IL23R: variants seen among roughly 807,000 people sequenced by gnomAD.
IL23R encodes interleukin 23 receptor.
IL23R carries 34 observed loss-of-function variants against 56.9 expected under a neutral mutation model. That is an observed-to-expected ratio of 0.60 (90% confidence interval 0.45 to 0.80). The LOEUF (loss-of-function observed/expected upper bound fraction) is 0.80, where lower values mean the gene tolerates loss of function less well. IL23R is among the 30% of genes least tolerant of loss of function. IL23R has a pLI of 0.00. For missense variants in IL23R, 635 were observed against 730.0 expected (o/e 0.87, Z 1.50); for synonymous variants, 230 against 249.2 (o/e 0.92, Z 0.73).
At chr1:67,198,381 CA>C (rs1355780078) in intron 4 of IL23R, among the ~76,000 whole-genome samples, 2 of 152,228 alleles carry the variant, frequency 1.3e-5, no homozygotes, top group Non-Finnish European at 2.9e-5. Flanking sequence ...GAGGCTCAAA[CA>C]TTCTGTCCAA....
chr1:67,181,298 A>G (rs895850849), intron 3 of IL23R, among the ~76,000 whole-genome samples: 8 of 152,172 alleles, frequency 5.3e-5, no homozygotes, highest in Admixed American at 2.0e-4. Context: ...GTCTTTTCAC[A>G]TAGTCCCGTA....
rs1650791062 is a variant in IL23R, at chr1:67,228,018, CTTCCTTTCTTTCTTT to C, written c.955+8290_955+8304del. Among the ~76,000 whole-genome samples the C allele has an allele frequency of 1.1e-4, 8 of 69,838 alleles. 3 individuals carry two copies. The highest frequency in any genetic ancestry group is 2.5e-4 in the Non-Finnish European group (8 of 31,984). The allele number at this position is 69,838 out of a possible 152,430, so 45.8% of individuals were successfully genotyped here. A position where few individuals can be genotyped will look rare whatever the true frequency, so the allele number is the denominator to read the frequency against. On this transcript the variant is annotated intron_variant, in intron 7 of 10. Coordinates refer to ENST00000347310, the MANE Select transcript of IL23R (RefSeq NM_144701.3). ...TCTTTCTTTCTTTCTTTCTTTCTTT[CTTCCTTTCTTTCTTT>C]TCTTTCTTTCTCTTTCTTTCTTTCT...
chr1:67,180,428 A>G (rs10013847), intron 3 of IL23R, among the ~76,000 whole-genome samples: 13 of 152,016 alleles, frequency 8.6e-5, no homozygotes, highest in African/African-American at 3.1e-4. Flanking sequence ...TTTATCAGAG[A>G]CTAGGATTGC....
intron 7 of IL23R, among the ~76,000 whole-genome samples, chr1:67,223,479 C>A (rs1340002604): frequency 1.3e-5 from 2 of 152,108 alleles, no homozygotes; most frequent in African/African-American, 4.8e-5. Context: ...TACAAATTCC[C>A]TTCTAAGACA....
intron 1 of IL23R, among the ~76,000 whole-genome samples, chr1:67,144,458 C>T (rs1378385951): frequency 1.3e-5 from 2 of 152,132 alleles, no homozygotes; most frequent in African/African-American, 4.8e-5. Flanking sequence ...TATAATCATT[C>T]TTCTGTATTC....
chr1:67,152,852 G>A (rs1432270669), intron 1 of IL23R, among the ~76,000 whole-genome samples: 2 of 152,178 alleles, frequency 1.3e-5, no homozygotes, highest in African/African-American at 4.8e-5. Flanking sequence ...CGGTTTGCCA[G>A]TATTTAATTG....
chr1:67,219,869 T>G (rs372898490), intron 7 of IL23R, 139 bp downstream of exon 7: 27 of 785,844 alleles, frequency 3.4e-5, no homozygotes, highest in East Asian at 2.7e-4. Flanking sequence ...AGTTTGAGAC[T>G]GGCCTGGGCA....
chr1:67,249,409 A>G (rs1019071649), intron 9 of IL23R, among the ~76,000 whole-genome samples: 1 of 152,188 alleles, frequency 6.6e-6, no homozygotes, highest in Non-Finnish European at 1.5e-5. Context: ...CAGAAATTGC[A>G]TTAGCATTAA....
At chr1:67,185,840 T>C (rs779223220) in intron 4 of IL23R, among the ~76,000 whole-genome samples, 3 of 152,238 alleles carry the variant, frequency 2.0e-5, no homozygotes, top group African/African-American at 7.2e-5. Context: ...ATATCAGGGA[T>C]GGGTGGAATT....
intron 7 of IL23R, among the ~76,000 whole-genome samples, chr1:67,225,271 G>A (rs1335491678): frequency 6.6e-6 from 1 of 152,216 alleles, no homozygotes; most frequent in Non-Finnish European, 1.5e-5. Context: ...AATACAAGAT[G>A]TGGAAGCAGA....
In IL23R at chr1:67,192,105, T is replaced by G. The variant is rs542820171; in HGVS notation, c.492-8632T>G. Among the ~76,000 whole-genome samples the G allele has an allele frequency of 4.6e-5, 7 of 152,324 alleles. No individual in the cohort carries two copies. The East Asian group carries it at 1.3e-3, about 29-fold the overall frequency. On this transcript the variant is annotated intron_variant, in intron 4 of 10. Transcript: ENST00000347310. ...TGAGGGAAAGGATAAAGGGAAGCTT[T>G]TATTACCAAAAAGGAATATATGTGA... is the stretch of plus-strand genomic sequence containing the variant.
chr1:67,216,213 A>C (rs1290092538), intron 6 of IL23R, among the ~76,000 whole-genome samples: 2 of 152,114 alleles, frequency 1.3e-5, no homozygotes, highest in African/African-American at 4.8e-5. Context: ...TTACACTTCT[A>C]TTTCTCTACT....
At chr1:67,141,888 G>A (rs1363282109) in intron 1 of IL23R, among the ~76,000 whole-genome samples, 1 of 152,134 alleles carries the variant, frequency 6.6e-6, no homozygotes, top group Non-Finnish European at 1.5e-5. Flanking sequence ...CATTTCGTGG[G>A]GCAGGGGGAG....
rs921734212 is a variant in IL23R, at chr1:67,258,664, T to C, written c.1426T>C (p.Tyr476His). ...NSLFDNTTVVYIPDLNTGYKP... is the reference protein window; with the variant it reads ...NSLFDNTTVVHIPDLNTGYKP... ...GCTATTCGACAATACTACAGTTGTATATATTCCTGATCTCAACACTGGATA... is the reference window on the plus strand; with the variant it reads ...GCTATTCGACAATACTACAGTTGTACATATTCCTGATCTCAACACTGGATA... The change falls in exon 11 of 11, where the codon TAT becomes CAT. Residue 476 changes from tyrosine to histidine, a missense_variant. Tyr to His is a moderately conservative substitution (Grantham distance 83, BLOSUM62 2). Transcript: ENST00000347310. 1 of 1,614,008 alleles carries C rather than the reference T, an allele frequency of 6.2e-7. No homozygotes were observed. Among genetic ancestry groups the C allele is most frequent in the East Asian group, 2.2e-5 (1 of 44,872 alleles).
intron 7 of IL23R, among the ~76,000 whole-genome samples, chr1:67,232,826 G>A (rs1298956004): frequency 2.6e-5 from 4 of 152,148 alleles, no homozygotes; most frequent in African/African-American, 9.6e-5. Flanking sequence ...CATGAGTCGC[G>A]GGAGGTAATT....
intron 1 of IL23R, among the ~76,000 whole-genome samples, chr1:67,152,303 G>T (rs1008811570): frequency 6.6e-6 from 1 of 151,810 alleles, no homozygotes; most frequent in Non-Finnish European, 1.5e-5. Context: ...GATTTTGATT[G>T]ATTTTGTATC....
chr1:67,181,324 G>A (rs146093767), intron 3 of IL23R, among the ~76,000 whole-genome samples: 1 of 152,100 alleles, frequency 6.6e-6, no homozygotes. Flanking sequence ...TGGAGGCTTT[G>A]TTCATTTCTT....
upstream of IL23R, among the ~76,000 whole-genome samples, chr1:67,162,516 G>GA (rs1382965083): frequency 1.3e-5 from 2 of 152,138 alleles, no homozygotes; most frequent in Non-Finnish European, 2.9e-5. Context: ...ATAGCCATAA[G>GA]TCTCCCATAT....
At chr1:67,204,127 G>A (rs1026994266) in intron 5 of IL23R, among the ~76,000 whole-genome samples, 4 of 152,052 alleles carry the variant, frequency 2.6e-5, no homozygotes, top group East Asian at 1.9e-4. Flanking sequence ...GCAGTGGCGC[G>A]ATCTCGGCTC....
Sources: gnomAD v4.1 joint callset for allele counts (sites outside exome capture counted in the v4.1 genomes callset) on GRCh38, gnomAD v4.1.1 for gene constraint, MANE v1.5 for transcripts, NCBI Gene and HGNC (gene_info 2026-07-23, HGNC 2026-07-21) for gene names.